The following FOCAD variants were observed in gnomAD, a reference collection of about 807,000 sequenced individuals.
FOCAD encodes the protein focadhesin.
FOCAD carries 198 observed loss-of-function variants against 225.6 expected under a neutral mutation model. The ratio of observed to expected loss-of-function variants is 0.88; its 90% CI spans 0.78 to 0.99. The LOEUF (loss-of-function observed/expected upper bound fraction) is 0.99, where lower values mean the gene tolerates loss of function less well. Ranked by LOEUF, FOCAD falls within the 50% of genes least tolerant of loss-of-function variation. FOCAD has a pLI of 0.00. For synonymous variants in FOCAD, 897 were observed against 755.0 expected (o/e 1.19, Z -3.08); for missense variants, 2,713 against 2,123.6 (o/e 1.28, Z -5.46).
chr9:20,816,637 A>T (rs983194608), intron 11 of FOCAD, among the ~76,000 whole-genome samples: 5 of 151,992 alleles, frequency 3.3e-5, no homozygotes, highest in Non-Finnish European at 7.4e-5. Context: ...TCCTTTTTGA[A>T]ATTGAATTAA....
At chr9:20,756,758 A>G (rs1196144579) in intron 5 of FOCAD, among the ~76,000 whole-genome samples, 1 of 152,210 alleles carries the variant, frequency 6.6e-6, no homozygotes, top group Non-Finnish European at 1.5e-5. Flanking sequence ...AATCACCATG[A>G]AGGCAATCTT....
At chr9:20,921,041 T>C (rs1200631434) in intron 24 of FOCAD, among the ~76,000 whole-genome samples, 2 of 151,800 alleles carry the variant, frequency 1.3e-5, no homozygotes, top group African/African-American at 4.8e-5. Flanking sequence ...AATAAAAATT[T>C]AGCAAATTTT....
In FOCAD at chr9:20,781,888, G is replaced by T; in HGVS notation, c.1156G>T (p.Glu386Ter). 6.2e-7 allele frequency: 1 copy of T among 1,614,032 alleles called. No homozygotes were observed. Among genetic ancestry groups the T allele is most frequent in the Non-Finnish European group, 8.5e-7 (1 of 1,179,948 alleles). The change falls in exon 10 of 44, where the codon GAA (glutamate) becomes TAA (stop). Residue 386 changes from glutamate to a stop codon, truncating the protein, a stop_gained. Coordinates refer to ENST00000338382, the MANE Select transcript of FOCAD (RefSeq NM_001375567.1). LOFTEE classifies it high-confidence loss of function. ...GCAGCAGTTGGCTCTAAACCTTTTGGAAATGATACAGCAGGAATGTTACAG... is the reference window on the plus strand; with the variant it reads ...GCAGCAGTTGGCTCTAAACCTTTTGTAAATGATACAGCAGGAATGTTACAG... The part of the protein sequence containing the change: ...SRQQLALNLL[E>*]MIQQECYRDD...
At chr9:20,663,417 A>G (rs1323600511) in intron 2 of FOCAD, among the ~76,000 whole-genome samples, 1 of 151,556 alleles carries the variant, frequency 6.6e-6, no homozygotes, top group African/African-American at 2.4e-5. Flanking sequence ...CTTTTCCTTA[A>G]CGAAATATTT....
chr9:20,855,422 G>GT (rs1356086146), intron 15 of FOCAD, among the ~76,000 whole-genome samples: 1 of 151,338 alleles, frequency 6.6e-6, no homozygotes, highest in Non-Finnish European at 1.5e-5. Context: ...TAAGTAAATT[G>GT]TTTTTTAATT....
At chr9:20,795,556 T>A (rs371878784) in intron 11 of FOCAD, among the ~76,000 whole-genome samples, 6 of 151,800 alleles carry the variant, frequency 4.0e-5, no homozygotes, top group African/African-American at 1.4e-4. Context: ...GAGGCCGAGG[T>A]GGGCGGATCA....
In FOCAD at chr9:20,969,721, T is replaced by G. The variant is rs550045518; in HGVS notation, c.4133-6699T>G. Among the ~76,000 whole-genome samples, 402 of 147,328 alleles carry G rather than the reference T, an allele frequency of 2.7e-3. 3 individuals carry two copies. Among genetic ancestry groups the G allele is most frequent in the African/African-American group, 8.7e-3 (353 of 40,414 alleles). On this transcript the variant is annotated intron_variant, in intron 35 of 43. Coordinates refer to ENST00000338382, the MANE Select transcript of FOCAD (RefSeq NM_001375567.1). ...ACAAAAATATAAAAAAATATATATA[T>G]ATAGATATATAACAAAAATATAATG... is the stretch of plus-strand genomic sequence containing the variant.
At chr9:20,780,709 A>T (rs1479469229) in intron 9 of FOCAD, among the ~76,000 whole-genome samples, 1 of 152,142 alleles carries the variant, frequency 6.6e-6, no homozygotes, top group African/African-American at 2.4e-5. Flanking sequence ...ATTTATAAAA[A>T]TGCCTGGAAT....
At chr9:20,966,538 GCTTTT>G (rs1266292488) in intron 35 of FOCAD, among the ~76,000 whole-genome samples, 9 of 152,158 alleles carry the variant, frequency 5.9e-5, no homozygotes, top group African/African-American at 2.2e-4. Context: ...CAATTTATCT[GCTTTT>G]CTTTTGTTGC....
chr9:20,735,582 C>G (rs1487087779), intron 4 of FOCAD, among the ~76,000 whole-genome samples: 1 of 150,784 alleles, frequency 6.6e-6, no homozygotes, highest in East Asian at 2.0e-4. Flanking sequence ...GTGGTGAGAT[C>G]ATAGCTCACT....
chr9:20,886,360 G>T (rs969142296), intron 21 of FOCAD, among the ~76,000 whole-genome samples: 5 of 152,138 alleles, frequency 3.3e-5, no homozygotes, highest in African/African-American at 1.2e-4. Context: ...TCATTAGTTG[G>T]CATAGAGAAG....
At chr9:20,887,433 C>A (rs983163890) in intron 21 of FOCAD, among the ~76,000 whole-genome samples, 1 of 152,080 alleles carries the variant, frequency 6.6e-6, no homozygotes, top group Non-Finnish European at 1.5e-5. Context: ...TGGAGTTTTA[C>A]CATGTTGGCC....
At chr9:20,747,074 C>G (rs998279733) in intron 5 of FOCAD, among the ~76,000 whole-genome samples, 1 of 152,066 alleles carries the variant, frequency 6.6e-6, no homozygotes, top group African/African-American at 2.4e-5. Flanking sequence ...AATAAGCAAT[C>G]TGTGGGGAAT....
chr9:20,985,799 GA>G (rs200742266), intron 39 of FOCAD, among the ~76,000 whole-genome samples: 23 of 150,356 alleles, frequency 1.5e-4, no homozygotes, highest in Non-Finnish European at 2.4e-4. Flanking sequence ...ATTGGCTTGT[GA>G]AAAAAAAATA....
intron 10 of FOCAD, among the ~76,000 whole-genome samples, chr9:20,785,497 C>T (rs186905652): frequency 3.3e-5 from 5 of 152,226 alleles, no homozygotes; most frequent in Non-Finnish European, 5.9e-5. Flanking sequence ...CAAGTATAAT[C>T]ATACAATATG....
At chr9:20,765,410 A>C (rs1028858608) in intron 7 of FOCAD, among the ~76,000 whole-genome samples, 6 of 152,088 alleles carry the variant, frequency 3.9e-5, no homozygotes, top group Non-Finnish European at 7.4e-5. Flanking sequence ...GGACAGTAAC[A>C]AGGAAAAAAA....
intron 41 of FOCAD, 58 bp from the exon 42 acceptor site, chr9:20,990,065 T>A: frequency 6.3e-7 from 1 of 1,599,990 alleles, no homozygotes; most frequent in Non-Finnish European, 8.5e-7. Flanking sequence ...TATGTGAACA[T>A]GTGTTACTTT....
chr9:20,882,119 C>G (rs1436965242), intron 20 of FOCAD, 63 bp downstream of exon 20: 3 of 1,423,350 alleles, frequency 2.1e-6, no homozygotes, highest in East Asian at 4.6e-5. Flanking sequence ...CTTCCACTTT[C>G]AAGTAGGATA....
At chr9:20,946,913 A>G in intron 30 of FOCAD, 93 bp downstream of exon 30, 1 of 1,481,222 alleles carries the variant, frequency 6.8e-7, no homozygotes, top group African/African-American at 1.4e-5. Context: ...GTATAATGGG[A>G]TATTTTTCAT....
Sources: gnomAD v4.1 joint callset for allele counts (sites outside exome capture counted in the v4.1 genomes callset) on GRCh38, gnomAD v4.1.1 for gene constraint, MANE v1.5 for transcripts, NCBI Gene and HGNC (gene_info 2026-07-23, HGNC 2026-07-21) for gene names.